Variants in ADCY1 observed in about 807,000 individuals in gnomAD.
ADCY1 encodes the protein adenylate cyclase 1.
Under a neutral mutation model 105.4 loss-of-function variants are expected in ADCY1, and 28 were observed. That is an observed-to-expected ratio of 0.27 (90% CI 0.20 to 0.36). ADCY1 has a LOEUF of 0.36. ADCY1 is among the 10% of genes least tolerant of loss of function. The probability of loss-of-function intolerance (pLI) is 1.00; values close to 1 mark genes in which losing one functional copy is unlikely to be tolerated. For synonymous variants in ADCY1, 655 were observed against 623.8 expected, an observed-to-expected ratio of 1.05 and a Z score of -0.75; for missense variants, 977 against 1,434.2, an observed-to-expected ratio of 0.68 and a Z score of 5.15.
At chr7:45,608,439 A>G (rs545193019) in intron 2 of ADCY1, among the ~76,000 whole-genome samples, 96 of 152,200 alleles carry the variant, frequency 6.3e-4, no homozygotes, top group Non-Finnish European at 1.2e-3. Flanking sequence ...AAGAACCCCA[A>G]TGAAAATAAG....
rs1290824741 is a variant in ADCY1 at position 45,716,859 on chromosome 7, TCA to T, written c.*2867_*2868del. ...GGAGAGCCTGGAAAGATTCGAAGTG[TCA>T]CAGAGATGGTGCCGTCATTGCTGGC... On this transcript the variant is annotated 3_prime_UTR_variant, in exon 20 of 20. Coordinates refer to ENST00000297323, the MANE Select transcript of ADCY1 (RefSeq NM_021116.4). 1 of 152,286 alleles carries T rather than the reference TCA, an allele frequency of 6.6e-6. No individual in the cohort carries two copies. The highest frequency in any genetic ancestry group is 2.4e-5 in the African/African-American group (1 of 41,408). 9.4% of individuals were successfully genotyped at this position (152,286 alleles called of 1,614,324 possible). A position where few individuals can be genotyped will look rare whatever the true frequency, so the allele number is the denominator to read the frequency against.
chr7:45,682,853 A>C (rs1298912653), intron 11 of ADCY1, among the ~76,000 whole-genome samples: 1 of 152,162 alleles, frequency 6.6e-6, no homozygotes, highest in Non-Finnish European at 1.5e-5. Flanking sequence ...TTTGAAGAAA[A>C]GAGAAAACCT....
intron 1 of ADCY1, among the ~76,000 whole-genome samples, chr7:45,579,450 A>T (rs1390644074): frequency 8.4e-6 from 1 of 119,158 alleles, no homozygotes. Flanking sequence ...GCTGGGCCCC[A>T]CCTTCTGTGG....
At chr7:45,583,596 T>G (rs539959171) in intron 1 of ADCY1, among the ~76,000 whole-genome samples, 1 of 152,238 alleles carries the variant, frequency 6.6e-6, no homozygotes, top group Non-Finnish European at 1.5e-5. Context: ...TGCATGGTGC[T>G]TGGCTGGCCT....
At chr7:45,634,370 T>C (rs981055248) in intron 4 of ADCY1, among the ~76,000 whole-genome samples, 10 of 152,066 alleles carry the variant, frequency 6.6e-5, no homozygotes, top group African/African-American at 2.4e-4. Flanking sequence ...GTTGGATTTT[T>C]TGTGGATACT....
rs58794109 is a variant in ADCY1 at position 45,706,492 on chromosome 7, C to CAAA, written c.2818-1839_2818-1837dup. Reference sequence around the variant, plus strand: ...TGCTGAAACAACTGGACATCACATGCAAAAAAAAAAAAAAAAAAAAAGAAT... The same window carrying CAAA: ...TGCTGAAACAACTGGACATCACATGCAAAAAAAAAAAAAAAAAAAAAAAAGAAT... On this transcript the variant is annotated intron_variant, in intron 17 of 19. Coordinates refer to ENST00000297323, the MANE Select transcript of ADCY1 (RefSeq NM_021116.4). 8.6e-3 allele frequency among the ~76,000 whole-genome samples: 507 copies of CAAA among 59,272 alleles called. 10 individuals are homozygous for CAAA. Among genetic ancestry groups the CAAA allele is most frequent in the East Asian group, 0.017 (33 of 1,994 alleles). The allele number at this position is 59,272 out of a possible 152,430, so 38.9% of individuals were successfully genotyped here.
chr7:45,678,710 T>G (rs1247262874), intron 10 of ADCY1, among the ~76,000 whole-genome samples: 3 of 123,410 alleles, frequency 2.4e-5, no homozygotes, highest in Non-Finnish European at 5.0e-5. Context: ...CAACACTCTA[T>G]CTACAAAAAA....
intron 10 of ADCY1, 142 bp from the exon 11 acceptor site, chr7:45,679,567 G>T: frequency 1.3e-6 from 1 of 775,524 alleles, no homozygotes. Context: ...AGAGACCTGA[G>T]TGGCAGGCAT....
chr7:45,680,580 A>G (rs1426520231), intron 11 of ADCY1: 1 of 152,260 alleles, frequency 6.6e-6, no homozygotes, highest in Non-Finnish European at 1.5e-5. Flanking sequence ...AGTTTCATTC[A>G]TTTAACTTTG....
intron 4 of ADCY1, among the ~76,000 whole-genome samples, chr7:45,631,637 C>T (rs561550535): frequency 3.4e-4 from 51 of 152,186 alleles, no homozygotes; most frequent in Non-Finnish European, 6.9e-4. Context: ...ATGCAATTAT[C>T]AGATTAATGT....
At chr7:45,670,197 T>C (rs1784337129) in intron 8 of ADCY1, among the ~76,000 whole-genome samples, 1 of 152,222 alleles carries the variant, frequency 6.6e-6, no homozygotes, top group African/African-American at 2.4e-5. Flanking sequence ...GAGCTTCACC[T>C]TCCTGTCCAT....
Position 45,622,648 on chromosome 7 carries a change from A to C in ADCY1, c.925A>C (p.Ile309Leu). 1 of 1,613,374 alleles carries C rather than the reference A, an allele frequency of 6.2e-7. No homozygotes were observed. Among genetic ancestry groups the C allele is most frequent in the Non-Finnish European group, 8.5e-7 (1 of 1,179,886 alleles). ...CTCTTGCAGCATCCTGTTTGCTGAC[A>C]TCGTGGGTTTCACGGGCTTGGCATC... ...HDNVSILFAD[I>L]VGFTGLASQC... Residue 309 changes from isoleucine (I) to leucine (L), a missense_variant, in exon 4 of 20, where the codon ATC becomes CTC. By Grantham distance (5) the Ile-to-Leu change is conservative. Coordinates refer to ENST00000297323, the MANE Select transcript of ADCY1 (RefSeq NM_021116.4).
rs1188998679 is a variant in ADCY1 at position 45,722,085 on chromosome 7, A to G, written c.*8090A>G. On this transcript the variant is annotated 3_prime_UTR_variant, in exon 20 of 20. Coordinates refer to ENST00000297323, the MANE Select transcript of ADCY1 (RefSeq NM_021116.4). ...ACTTGTTTCTCACCTCCCACCAGCA[A>G]CCCCCCACCCAACTCTGGGCCCCAG... is the stretch of plus-strand genomic sequence containing the variant. 1.7e-5 allele frequency: 6 copies of G among 353,076 alleles called. No individual in the cohort carries two copies. The highest frequency in any genetic ancestry group is 2.5e-5 in the Non-Finnish European group (5 of 197,310). The allele number at this position is 353,076 out of a possible 1,614,324, so 21.9% of individuals were successfully genotyped here.
chr7:45,606,685 A>T (rs1333313766), intron 2 of ADCY1, among the ~76,000 whole-genome samples: 2 of 152,232 alleles, frequency 1.3e-5, no homozygotes, highest in Non-Finnish European at 2.9e-5. Flanking sequence ...CCATCTTCCC[A>T]GAAGTAGAGT....
chr7:45,601,714 CTT>C (rs1248994359), intron 2 of ADCY1, among the ~76,000 whole-genome samples: 2 of 152,144 alleles, frequency 1.3e-5, no homozygotes, highest in South Asian at 2.1e-4. Flanking sequence ...GCGGTGGCCT[CTT>C]TGTGTGTGCA....
intron 5 of ADCY1, among the ~76,000 whole-genome samples, chr7:45,649,984 G>A (rs1246282688): frequency 6.6e-6 from 1 of 152,190 alleles, no homozygotes; most frequent in African/African-American, 2.4e-5. Flanking sequence ...CCTGGCTGGA[G>A]GAGATGCTGG....
At chr7:45,581,116 G>A (rs1792526459) in intron 1 of ADCY1, among the ~76,000 whole-genome samples, 2 of 152,110 alleles carry the variant, frequency 1.3e-5, no homozygotes, top group African/African-American at 4.8e-5. Context: ...GTGACTTTAG[G>A]CTTGGGATGA....
chr7:45,607,677 C>T (rs1562685086), intron 2 of ADCY1, among the ~76,000 whole-genome samples: 1 of 152,184 alleles, frequency 6.6e-6, no homozygotes, highest in South Asian at 2.1e-4. Context: ...TGTTTAGCTT[C>T]CACTCGTAAG....
intron 11 of ADCY1, chr7:45,684,317 T>C (rs1237813693): frequency 6.6e-6 from 1 of 152,264 alleles, no homozygotes; most frequent in East Asian, 1.9e-4. Flanking sequence ...GAGTTAGTAA[T>C]GATCTGACCT....
Sources: allele counts gnomAD v4.1 joint callset (sites outside exome capture counted in the v4.1 genomes callset), GRCh38; gene constraint gnomAD v4.1.1; transcripts MANE v1.5; gene names NCBI Gene and HGNC (gene_info 2026-07-23, HGNC 2026-07-21).